Variants in KCNH6 observed in about 807,000 individuals in gnomAD.
The protein encoded by KCNH6 is potassium voltage-gated channel subfamily H member 6.
KCNH6 carries 81 observed loss-of-function variants against 83.4 expected under a neutral mutation model. That is an observed-to-expected ratio of 0.97 (90% CI 0.81 to 1.17). The LOEUF is 1.17. KCNH6 is among the 50% of genes most tolerant of loss of function. The pLI is 0.00. For missense variants in KCNH6, 1,203 were observed against 1,290.5 expected, an observed-to-expected ratio of 0.93 and a Z score of 1.04; for synonymous variants, 503 against 545.6, an observed-to-expected ratio of 0.92 and a Z score of 1.09.
rs768761760 is a variant in KCNH6, at chr17:63,538,616, A to T, written c.1908A>T (p.Arg636=). The change falls in exon 8 of 13, where the codon CGA becomes CGT. Residue 636 remains arginine, a synonymous_variant. Transcript: ENST00000314672. This position sits in a 1 kb window ranked among gnomAD's most constrained non-coding sequence, Gnocchi z 4.0. ...DVLSTLYFIS[R]GSIEILRDDV... ...TCTCCACCCTCTACTTCATCTCCCG[A>T]GGCTCCATCGAGATCCTGCGCGACG... The T allele has an allele frequency of 1.2e-6, 2 of 1,609,122 alleles. No individual in the cohort carries two copies. Among genetic ancestry groups the T allele is most frequent in the Non-Finnish European group, 1.7e-6 (2 of 1,177,052 alleles).
chr17:63,532,557 C>T (rs2032192225), intron 4 of KCNH6, among the ~76,000 whole-genome samples: 1 of 152,164 alleles, frequency 6.6e-6, no homozygotes, highest in Admixed American at 6.5e-5. Context: ...TGGGGAAGTA[C>T]GAGGTGAGGC....
rs973539936 is a variant in KCNH6, at chr17:63,543,656, G to A, written c.2229G>A (p.Gln743=). 1 of 1,609,708 alleles carries A rather than the reference G, an allele frequency of 6.2e-7. No individual in the cohort carries two copies. Among genetic ancestry groups the A allele is most frequent in the Admixed American group, 1.7e-5 (1 of 59,980 alleles). ...AAGGTTTCTTTCTCAGTGACAACCA[G>A]TCAGGTGAGCAAAGCCAGCCCCCAC... ...DHQGFFLSDN[Q]SDAAPPLSIS... is the part of the protein sequence containing the mutation. The change falls in exon 10 of 13, where the codon CAG becomes CAA. Residue 743 remains glutamine, a synonymous_variant. Transcript: ENST00000314672.
Position 63,542,403 on chromosome 17 carries a change from G to A in KCNH6, c.2117G>A (p.Ser706Asn), listed in dbSNP as rs780927763. Reference protein sequence around the residue: ...MYPAFAESFWSKLEVTFNLRD... With the variant: ...MYPAFAESFWNKLEVTFNLRD... Reference sequence around the variant, plus strand: ...CCGGCCTTTGCGGAGAGCTTCTGGAGTAAGCTGGAGGTCACCTTCAACCTG... The same window carrying A: ...CCGGCCTTTGCGGAGAGCTTCTGGAATAAGCTGGAGGTCACCTTCAACCTG... The change falls in exon 9 of 13, where the codon AGT becomes AAT. Residue 706 changes from serine to asparagine, a missense_variant. By Grantham distance (46) the Ser-to-Asn change is conservative (BLOSUM62 1). Coordinates refer to ENST00000314672, the MANE Select transcript of KCNH6 (RefSeq NM_001278919.2). 3.7e-6 allele frequency: 6 copies of A among 1,614,174 alleles called. No individual in the cohort carries two copies. In the South Asian group the frequency reaches 6.6e-5, roughly 18 times the overall value.
At chr17:63,547,976 A>T (rs2147749557), downstream of KCNH6, among the ~76,000 whole-genome samples, 1 of 150,914 alleles carries the variant, frequency 6.6e-6, no homozygotes, top group South Asian at 2.1e-4. Context: ...AAAAAAAAAA[A>T]AAAAAGTGGC....
At position 63,538,300 on chromosome 17, in the gene KCNH6, G is replaced by T. The variant is rs746709495; in HGVS notation, c.1701+36G>T. The T allele has an allele frequency of 6.9e-5, 102 of 1,485,978 alleles. No individual in the cohort carries two copies. Among genetic ancestry groups the T allele is most frequent in the Admixed American group, 1.4e-4 (7 of 48,990 alleles). 92.0% of individuals were successfully genotyped at this position (1,485,978 alleles called of 1,614,324 possible). A position where few individuals can be genotyped will look rare whatever the true frequency, so the allele number is the denominator to read the frequency against. On this transcript the variant is annotated intron_variant, in intron 7 of 12. Transcript: ENST00000314672. The surrounding 1 kb of genome is among the most constrained non-coding windows in gnomAD (Gnocchi z 4.0). ...CCGCTCCGGCTAATGCCCCGGGCGT[G>T]GGGGGGAGCCAAGATCCTGCGGGGG... is the stretch of plus-strand genomic sequence containing the variant.
intron 2 of KCNH6, among the ~76,000 whole-genome samples, chr17:63,525,604 G>C (rs1428733673): frequency 6.6e-6 from 1 of 151,536 alleles, no homozygotes; most frequent in African/African-American, 2.4e-5. Flanking sequence ...CTCTGTGTGT[G>C]AGTGTGTGCT....
rs2032254257 is a variant in KCNH6, at chr17:63,533,457, C to T, written c.676-429C>T. Among the ~76,000 whole-genome samples, 1 of 151,944 alleles carries T rather than the reference C, an allele frequency of 6.6e-6. No homozygotes were observed. The highest frequency in any genetic ancestry group is 2.4e-5 in the African/African-American group (1 of 41,348). ...GGGGTGACCTGTTCCCATCAGGAACCCTGACCATAGGGAGCCTCCTAAGCT... is the reference window on the plus strand; with the variant it reads ...GGGGTGACCTGTTCCCATCAGGAACTCTGACCATAGGGAGCCTCCTAAGCT... On this transcript the variant is annotated intron_variant, in intron 4 of 12. Transcript: ENST00000314672. The surrounding 1 kb of genome is among the most constrained non-coding windows in gnomAD (Gnocchi z 4.1).
At chr17:63,536,443 G>A (rs963342172) in intron 6 of KCNH6, among the ~76,000 whole-genome samples, 6 of 152,176 alleles carry the variant, frequency 3.9e-5, no homozygotes, top group African/African-American at 1.2e-4. Flanking sequence ...AAGAGTTCAA[G>A]ACTAGCCTGG....
chr17:63,545,469 C>G lies in KCNH6; in HGVS notation c.2584-140C>G, dbSNP rs919010481. On this transcript the variant is annotated intron_variant, in intron 12 of 12. Coordinates refer to ENST00000314672, the MANE Select transcript of KCNH6 (RefSeq NM_001278919.2). ...CAAAGCCCAGAATGTGACTCCAGAG[C>G]CTGCAGCTGGGGCCAGGGCAGCAGG... is the stretch of plus-strand genomic sequence containing the variant. 2.2e-5 allele frequency: 22 copies of G among 999,244 alleles called. 1 individual carries two copies. In the South Asian group the frequency reaches 3.6e-4, roughly 16 times the overall value. The allele number at this position is 999,244 out of a possible 1,614,324, so 61.9% of individuals were successfully genotyped here.
At chr17:63,529,765 C>T (rs1191539098) in intron 2 of KCNH6, among the ~76,000 whole-genome samples, 4 of 152,150 alleles carry the variant, frequency 2.6e-5, no homozygotes, top group African/African-American at 9.7e-5. Flanking sequence ...ACTTAATCCA[C>T]CCCCATCTGC....
Position 63,533,148 on chromosome 17 carries a change from C to T in KCNH6, c.676-738C>T, listed in dbSNP as rs1193765493. ...GTTGGGCAGCTGGGCAGAGCCAGGG[C>T]ATGTTGTGCTGGGACCTAGAGATCC... On this transcript the variant is annotated intron_variant, in intron 4 of 12. Transcript: ENST00000314672. The surrounding 1 kb of genome is among the most constrained non-coding windows in gnomAD (Gnocchi z 4.1). Among the ~76,000 whole-genome samples, 2 of 150,756 alleles carry T rather than the reference C, an allele frequency of 1.3e-5. No individual in the cohort carries two copies. The highest frequency in any genetic ancestry group is 2.9e-5 in the Non-Finnish European group (2 of 67,814).
intron 2 of KCNH6, among the ~76,000 whole-genome samples, chr17:63,527,055 G>T (rs972577265): frequency 6.6e-6 from 1 of 152,116 alleles, no homozygotes; most frequent in African/African-American, 2.4e-5. Flanking sequence ...CGCCTGCCCC[G>T]CACTGGCACC....
chr17:63,535,741 C>A lies in KCNH6; in HGVS notation c.1174C>A (p.Arg392Ser), dbSNP rs766350991. ...GGTGCGCGTAGCACGGAAGCTGGAC[C>A]GCTACTCTGAGTATGGGGCGGCTGT... is the stretch of plus-strand genomic sequence containing the variant. ...RLVRVARKLD[R>S]YSEYGAAVLF... The change falls in exon 6 of 13, where the codon CGC becomes AGC. Residue 392 changes from arginine to serine, a missense_variant. Transcript: ENST00000314672. This position sits in a 1 kb window ranked among gnomAD's most constrained non-coding sequence, Gnocchi z 4.9. 1 of 1,613,902 alleles carries A rather than the reference C, an allele frequency of 6.2e-7. No homozygotes were observed. Among genetic ancestry groups the A allele is most frequent in the Non-Finnish European group, 8.5e-7 (1 of 1,180,040 alleles).
chr17:63,541,286 CTTT>C (rs58311051), intron 8 of KCNH6, among the ~76,000 whole-genome samples: 5 of 108,826 alleles, frequency 4.6e-5, no homozygotes, highest in Non-Finnish European at 7.4e-5. Context: ...GTGCCTCTTG[CTTT>C]TTTTTTTTTT....
Position 63,529,239 on chromosome 17 carries a change from C to T in KCNH6, c.308-852C>T, listed in dbSNP as rs1014201854. ...ACCTGAGAGGCACAGAGCAGCCAGC[C>T]GCTGGGTGTGGGCTGCCCAAGATAA... On this transcript the variant is annotated intron_variant, in intron 2 of 12. Coordinates refer to ENST00000314672, the MANE Select transcript of KCNH6 (RefSeq NM_001278919.2). Among the ~76,000 whole-genome samples, 14 of 152,206 alleles carry T rather than the reference C, an allele frequency of 9.2e-5. No individual in the cohort carries two copies. The East Asian group carries it at 9.6e-4, about 10-fold the overall frequency.
Position 63,541,019 on chromosome 17 carries a change from T to G in KCNH6, c.1955-1222T>G, listed in dbSNP as rs111327024. 2.2e-3 allele frequency among the ~76,000 whole-genome samples: 341 copies of G among 152,290 alleles called. 3 individuals carry two copies. Among genetic ancestry groups the G allele is most frequent in the African/African-American group, 8.0e-3 (332 of 41,560 alleles). The stretch of plus-strand genomic sequence containing the variant: ...GCAGGAGGAGCCCCTCCCTCCTCCA[T>G]GGCCCCATAACTCTTGGTTCTTCCT... On this transcript the variant is annotated intron_variant, in intron 8 of 12. Coordinates refer to ENST00000314672, the MANE Select transcript of KCNH6 (RefSeq NM_001278919.2).
At chr17:63,543,036 C>T (rs2032950810) in intron 9 of KCNH6, among the ~76,000 whole-genome samples, 1 of 152,218 alleles carries the variant, frequency 6.6e-6, no homozygotes, top group African/African-American at 2.4e-5. Context: ...AGTGGGACAG[C>T]CAGGACCGAC....
chr17:63,542,522 C>T (rs963903286), intron 9 of KCNH6, 88 bp downstream of exon 9: 1 of 1,130,558 alleles, frequency 8.8e-7, no homozygotes, highest in Non-Finnish European at 1.3e-6. Context: ...AACACCCTTC[C>T]TTTCAACCCC....
intron 2 of KCNH6, 25 bp from the exon 3 acceptor site, chr17:63,530,066 C>T: frequency 6.2e-7 from 1 of 1,610,766 alleles, no homozygotes; most frequent in African/African-American, 1.3e-5. Context: ...GGGCCCACCC[C>T]CCATCCTCCC....
Sources: allele counts gnomAD v4.1 joint callset (sites outside exome capture counted in the v4.1 genomes callset), GRCh38; gene constraint gnomAD v4.1.1; non-coding constraint Gnocchi (gnomAD v3.1); transcripts MANE v1.5; gene names NCBI Gene and HGNC (gene_info 2026-07-23, HGNC 2026-07-21).